The following VRK3 variants were observed in gnomAD, a reference collection of about 807,000 sequenced individuals.
VRK3 encodes serine/threonine-protein kinase VRK3.
VRK3 carries 50 observed loss-of-function variants against 60.4 expected under a neutral mutation model. The ratio of observed to expected loss-of-function variants is 0.83; its 90% CI spans 0.66 to 1.05. VRK3 has a LOEUF of 1.05. VRK3 is among the 50% of genes least tolerant of loss of function. VRK3 has a pLI of 0.00. For synonymous variants in VRK3, 246 were observed against 227.8 expected, an observed-to-expected ratio of 1.08 and a Z score of -0.72; for missense variants, 549 against 585.3, an observed-to-expected ratio of 0.94 and a Z score of 0.64.
intron 2 of VRK3, among the ~76,000 whole-genome samples, chr19:50,017,068 C>T (rs1397729866): frequency 6.6e-6 from 1 of 152,066 alleles, no homozygotes; most frequent in Non-Finnish European, 1.5e-5. Context: ...GTGGCATGCA[C>T]CTGTAATCCC....
chr19:49,986,010 C>G (rs2076509089), intron 12 of VRK3, among the ~76,000 whole-genome samples: 2 of 152,200 alleles, frequency 1.3e-5, no homozygotes, highest in Admixed American at 6.5e-5. Context: ...GGGGAAGCAC[C>G]AGGGGCAGTG....
chr19:50,016,131 C>T lies in VRK3; in HGVS notation c.32G>A (p.Ser11Asn), dbSNP rs1378203967. The stretch of plus-strand genomic sequence containing the variant: ...GCAGAATTTGAATGCCGCTTGGATA[C>T]TTTTGCCACAGTCTGGACAGAAGGA... MISFCPDCGK[S>N]IQAAFKFCPY... Residue 11 changes from serine to asparagine, a missense_variant, in exon 3 of 15, where the codon AGT (serine) becomes AAT (asparagine). Ser to Asn is a conservative substitution (Grantham distance 46, BLOSUM62 1). Coordinates refer to ENST00000316763, the MANE Select transcript of VRK3 (RefSeq NM_016440.4). The T allele has an allele frequency of 1.2e-6, 2 of 1,614,216 alleles. No homozygotes were observed. The highest frequency in any genetic ancestry group is 2.7e-5 in the African/African-American group (2 of 75,058).
Position 49,979,151 on chromosome 19 carries a change from C to T in VRK3, c.1368G>A (p.Leu456=), listed in dbSNP as rs753633876. 6 of 1,614,012 alleles carry T rather than the reference C, an allele frequency of 3.7e-6. No individual in the cohort carries two copies. In the South Asian group the frequency reaches 6.6e-5, roughly 18 times the overall value. ...YAMLRNNLEA[L]LQDLRVSPYD... is the part of the protein sequence containing the mutation. ...ATGGAGACACACGCAGATCCTGCAG[C>T]AAAGCTTCTAGGTTGTTCCTCAGCA... The change falls in exon 14 of 15, where the codon TTG becomes TTA. Residue 456 remains leucine (L), a synonymous_variant. Coordinates refer to ENST00000316763, the MANE Select transcript of VRK3 (RefSeq NM_016440.4).
chr19:50,019,349 T>TC (rs2077129674), intron 2 of VRK3: 1 of 151,442 alleles, frequency 6.6e-6, no homozygotes, highest in African/African-American at 2.4e-5. Context: ...ATTACAGGCG[T>TC]GGGCCACCAT....
chr19:50,015,784 TC>T (rs2077065684), intron 3 of VRK3: 1 of 529,066 alleles, frequency 1.9e-6, no homozygotes, highest in Non-Finnish European at 3.3e-6. Flanking sequence ...AGCAGGGGAG[TC>T]CAGGCTGGCT....
chr19:49,996,730 C>A (rs2076710916), intron 7 of VRK3, among the ~76,000 whole-genome samples: 1 of 152,026 alleles, frequency 6.6e-6, no homozygotes, highest in Non-Finnish European at 1.5e-5. Flanking sequence ...GATTCTCCCA[C>A]CTCAGCCTCC....
chr19:49,998,811 C>A lies in VRK3; in HGVS notation c.613-1241G>T, dbSNP rs1039604217. On this transcript the variant is annotated intron_variant, in intron 6 of 14. Transcript: ENST00000316763. ...ACACACATACACACACACACACGCA[C>A]ACACAAAACCCCAAAGAAAACCAAA... The A allele has an allele frequency of 2.0e-5, 3 of 151,800 alleles. No individual in the cohort carries two copies. In the Admixed American group the frequency reaches 2.0e-4, roughly 10 times the overall value. 9.4% of individuals were successfully genotyped at this position (151,800 alleles called of 1,614,324 possible).
intron 12 of VRK3, among the ~76,000 whole-genome samples, chr19:49,983,014 G>T (rs1156328939): frequency 6.6e-6 from 1 of 152,180 alleles, no homozygotes; most frequent in African/African-American, 2.4e-5. Context: ...TGGATCTGGG[G>T]CCAGCTCAGC....
intron 12 of VRK3, among the ~76,000 whole-genome samples, chr19:49,983,869 G>A (rs995424394): frequency 1.3e-5 from 2 of 152,170 alleles, no homozygotes; most frequent in African/African-American, 4.8e-5. Flanking sequence ...GGCTGGGGGT[G>A]AGGAGGTGCA....
At chr19:49,989,991 A>C (rs2076582480) in intron 10 of VRK3, among the ~76,000 whole-genome samples, 1 of 152,184 alleles carries the variant, frequency 6.6e-6, no homozygotes, top group Admixed American at 6.5e-5. Context: ...CCCAGAAATA[A>C]CCACTAGTAA....
Position 49,980,978 on chromosome 19 carries a change from C to CAGGGTCCCACGA in VRK3, c.1241_1252dup (p.Phe414_Pro417dup), listed in dbSNP as rs1568769676. The CAGGGTCCCACGA allele has an allele frequency of 6.2e-7, 1 of 1,612,048 alleles. No homozygotes were observed. Among genetic ancestry groups the CAGGGTCCCACGA allele is most frequent in the South Asian group, 1.1e-5 (1 of 90,486 alleles). ...ACCTGAGGGCCTGATCCAGTGACCGCAGGGTCCCACGAAGGGCCCCGGCTT... is the reference window on the plus strand; with the variant it reads ...ACCTGAGGGCCTGATCCAGTGACCGCAGGGTCCCACGAAGGGTCCCACGAAGGGCCCCGGCTT... On this transcript the variant is annotated inframe_insertion, in exon 13 of 15. Transcript: ENST00000316763.
intron 3 of VRK3, 148 bp downstream of exon 3, chr19:50,015,876 T>C (rs995085238): frequency 4.0e-6 from 4 of 1,009,680 alleles, no homozygotes; most frequent in African/African-American, 3.3e-5. Flanking sequence ...AGACTGATGG[T>C]AGACAGAGGG....
intron 3 of VRK3, 68 bp from the exon 4 acceptor site, chr19:50,009,453 G>C: frequency 6.3e-7 from 1 of 1,580,010 alleles, no homozygotes; most frequent in Non-Finnish European, 8.6e-7. Context: ...ATTGGACTGG[G>C]AGCCCTGAGG....
intron 12 of VRK3, among the ~76,000 whole-genome samples, chr19:49,984,903 C>T (rs1316239240): frequency 1.3e-5 from 2 of 152,190 alleles, no homozygotes; most frequent in African/African-American, 2.4e-5. Flanking sequence ...AGATTACAGG[C>T]GTGAGCCACC....
At chr19:50,003,228 C>T (rs903952778) in intron 5 of VRK3, among the ~76,000 whole-genome samples, 1 of 152,190 alleles carries the variant, frequency 6.6e-6, no homozygotes, top group African/African-American at 2.4e-5. Context: ...TTCTCCCCTC[C>T]GGCCTCCAGA....
chr19:49,992,689 T>C (rs1249587360), intron 10 of VRK3, among the ~76,000 whole-genome samples, 171 bp downstream of exon 10: 1 of 152,226 alleles, frequency 6.6e-6, no homozygotes, highest in East Asian at 1.9e-4. Context: ...TTCTTATCCT[T>C]TGTCCATTTT....
chr19:49,988,387 A>C lies in VRK3; in HGVS notation c.1202T>G (p.Met401Arg). Residue 401 changes from methionine (M) to arginine (R), a missense_variant, in exon 12 of 15, where the codon ATG becomes AGG. By Grantham distance (91) the Met-to-Arg change is moderately conservative. Coordinates refer to ENST00000316763, the MANE Select transcript of VRK3 (RefSeq NM_016440.4). Reference sequence around the variant, plus strand: ...CTAGACTCACTTCTGTTTTTGCTTCATGATGTCCTCAGTGTTGGGAAGGCA... The same window carrying C: ...CTAGACTCACTTCTGTTTTTGCTTCCTGATGTCCTCAGTGTTGGGAAGGCA... ...TNCLPNTEDI[M>R]KQKQKFVDKP... 1 of 1,612,736 alleles carries C rather than the reference A, an allele frequency of 6.2e-7. No homozygotes were observed.
chr19:49,992,834 C>T (rs1388360206), intron 10 of VRK3, 26 bp downstream of exon 10: 1 of 1,608,152 alleles, frequency 6.2e-7, no homozygotes, highest in Non-Finnish European at 8.5e-7. Context: ...AGAGATCTTC[C>T]AGAGTGGGCA....
intron 1 of VRK3, among the ~76,000 whole-genome samples, chr19:50,022,344 T>C (rs1394644383): frequency 2.0e-5 from 3 of 152,218 alleles, no homozygotes; most frequent in African/African-American, 2.4e-5. Flanking sequence ...CAGCCTGGTC[T>C]AGGCCACCAT....
Sources: allele counts gnomAD v4.1 joint callset (sites outside exome capture counted in the v4.1 genomes callset), GRCh38; gene constraint gnomAD v4.1.1; transcripts MANE v1.5; gene names NCBI Gene and HGNC (gene_info 2026-07-23, HGNC 2026-07-21).